EPHA6: variants seen among roughly 807,000 people sequenced by gnomAD.
The protein encoded by EPHA6 is EPH receptor A6.
A neutral mutation model predicts 112.0 loss-of-function variants in EPHA6; 50 were observed. The observed-to-expected ratio is 0.45, with a 90% CI of 0.36 to 0.56. The LOEUF is 0.56. EPHA6 is among the 20% of genes least tolerant of loss of function. The pLI, the probability that EPHA6 is intolerant of heterozygous loss-of-function variation, is 0.00. For missense variants in EPHA6, 1,280 were observed against 1,417.4 expected, an observed-to-expected ratio of 0.90 and a Z score of 1.56; for synonymous variants, 529 against 490.7, an observed-to-expected ratio of 1.08 and a Z score of -1.03.
chr3:97,400,443 G>GT (rs1016636150), intron 5 of EPHA6, among the ~76,000 whole-genome samples: 2 of 151,406 alleles, frequency 1.3e-5, no homozygotes, highest in Non-Finnish European at 3.0e-5. Flanking sequence ...TCAGCGATTT[G>GT]TTTTTTCTAT....
chr3:97,510,615 G>A lies in EPHA6; in HGVS notation c.2201-21743G>A, dbSNP rs139826878. ...CCAGTGGAGCTCTGTTATATGGGGT[G>A]TCTGTTGACACCTCCTGGGAGGTGT... On this transcript the variant is annotated intron_variant, in intron 10 of 17. Transcript: ENST00000389672. Among the ~76,000 whole-genome samples the A allele has an allele frequency of 6.5e-3, 995 of 152,278 alleles. 12 individuals are homozygous for A. Among genetic ancestry groups the A allele is most frequent in the African/African-American group, 0.022 (916 of 41,570 alleles).
intron 15 of EPHA6, among the ~76,000 whole-genome samples, chr3:97,734,411 C>A (rs567540468): frequency 6.6e-6 from 1 of 152,092 alleles, no homozygotes; most frequent in East Asian, 1.9e-4. Context: ...AAACCCAAGC[C>A]TAGTTGCTAG....
At chr3:97,445,874 T>C (rs955824000) in intron 6 of EPHA6, among the ~76,000 whole-genome samples, 4 of 152,132 alleles carry the variant, frequency 2.6e-5, no homozygotes, top group Non-Finnish European at 5.9e-5. Context: ...ACGTGTTCCC[T>C]AGCTAAGTTG....
chr3:97,522,353 T>C (rs1397978374), intron 10 of EPHA6, among the ~76,000 whole-genome samples: 2 of 152,232 alleles, frequency 1.3e-5, no homozygotes, highest in African/African-American at 2.4e-5. Context: ...GTCACATTTA[T>C]TGGTTTTGGT....
chr3:97,701,248 A>C (rs896577170), intron 14 of EPHA6, among the ~76,000 whole-genome samples: 10 of 152,154 alleles, frequency 6.6e-5, no homozygotes, highest in African/African-American at 2.4e-4. Flanking sequence ...GAGCTAATAG[A>C]CAAAAGGATA....
intron 6 of EPHA6, among the ~76,000 whole-genome samples, chr3:97,418,481 CA>C (rs1248778660): frequency 2.6e-5 from 4 of 151,838 alleles, no homozygotes; most frequent in Non-Finnish European, 4.4e-5. Context: ...AAATCACTGA[CA>C]AAAAAACATG....
intron 3 of EPHA6, among the ~76,000 whole-genome samples, chr3:97,095,464 A>C (rs2108243524): frequency 6.6e-6 from 1 of 152,078 alleles, no homozygotes; most frequent in South Asian, 2.1e-4. Flanking sequence ...AAAAAAAAGC[A>C]TCCTGCTTTC....
intron 10 of EPHA6, among the ~76,000 whole-genome samples, chr3:97,517,982 T>A (rs1481074658): frequency 6.6e-6 from 1 of 152,184 alleles, no homozygotes; most frequent in Non-Finnish European, 1.5e-5. Context: ...GTTTTATTGA[T>A]CCATTCATCC....
At chr3:96,938,839 A>G (rs2040761065) in intron 2 of EPHA6, among the ~76,000 whole-genome samples, 1 of 152,192 alleles carries the variant, frequency 6.6e-6, no homozygotes, top group Non-Finnish European at 1.5e-5. Context: ...ATTTTGTCAA[A>G]GACCTTTTCT....
chr3:97,163,645 G>A (rs547223965), intron 3 of EPHA6, among the ~76,000 whole-genome samples: 8 of 152,246 alleles, frequency 5.3e-5, no homozygotes, highest in African/African-American at 1.9e-4. Context: ...TTGCAAGGCA[G>A]CTATCCCATA....
At chr3:97,532,188 T>A (rs1055898351) in intron 10 of EPHA6, among the ~76,000 whole-genome samples, 170 bp from the exon 11 acceptor site, 1 of 152,070 alleles carries the variant, frequency 6.6e-6, no homozygotes, top group African/African-American at 2.4e-5. Context: ...GTGTTGCTGA[T>A]CAAGTATATT....
intron 5 of EPHA6, among the ~76,000 whole-genome samples, chr3:97,340,724 CCTT>C (rs2083264144): frequency 7.9e-5 from 12 of 152,162 alleles, no homozygotes; most frequent in Admixed American, 7.9e-4. Context: ...TAGACAGTCA[CCTT>C]CTTATTGTGT....
intron 1 of EPHA6, among the ~76,000 whole-genome samples, chr3:96,837,696 T>C (rs2034498947): frequency 6.6e-6 from 1 of 152,114 alleles, no homozygotes; most frequent in African/African-American, 2.4e-5. Context: ...TGGTGTATTA[T>C]GACAACTTTA....
chr3:97,479,412 C>T (rs2091468029), intron 9 of EPHA6, 48 bp downstream of exon 9: 2 of 1,288,088 alleles, frequency 1.6e-6, no homozygotes, highest in Non-Finnish European at 1.1e-6. Context: ...TGTTCCAGCA[C>T]TTCAGGAGTT....
Position 96,940,724 on chromosome 3 carries a change from T to C in EPHA6, c.451-46606T>C, listed in dbSNP as rs188052798. Among the ~76,000 whole-genome samples the C allele has an allele frequency of 2.9e-3, 447 of 152,256 alleles. 4 individuals carry two copies. The highest frequency in any genetic ancestry group is 9.8e-3 in the African/African-American group (409 of 41,558). On this transcript the variant is annotated intron_variant, in intron 2 of 17. Coordinates refer to ENST00000389672, the MANE Select transcript of EPHA6 (RefSeq NM_001080448.3). ...GTCTTTACAATTTGGCATGTTTTTG[T>C]AGTGGCTGGTACCGGTTGTTCCTTT... is the stretch of plus-strand genomic sequence containing the variant.
At chr3:97,463,343 T>C (rs530012768) in intron 7 of EPHA6, among the ~76,000 whole-genome samples, 1 of 152,260 alleles carries the variant, frequency 6.6e-6, no homozygotes, top group African/African-American at 2.4e-5. Flanking sequence ...AACAGAGGAA[T>C]AGTGATTTTT....
chr3:97,370,681 A>G (rs2108978307), intron 5 of EPHA6, among the ~76,000 whole-genome samples: 1 of 152,322 alleles, frequency 6.6e-6, no homozygotes, highest in East Asian at 1.9e-4. Context: ...CTTTAACATG[A>G]CATGCCCAAT....
chr3:96,939,989 G>C (rs1021722688), intron 2 of EPHA6, among the ~76,000 whole-genome samples: 103 of 151,852 alleles, frequency 6.8e-4, no homozygotes, highest in Non-Finnish European at 1.2e-3. Context: ...AATTTGTGTT[G>C]TTTTACATTT....
intron 2 of EPHA6, among the ~76,000 whole-genome samples, chr3:96,915,703 G>T (rs1266763642): frequency 6.6e-6 from 1 of 152,056 alleles, no homozygotes; most frequent in African/African-American, 2.4e-5. Context: ...TCTCACAAGA[G>T]GTTGATAATC....
Sources: allele counts gnomAD v4.1 joint callset (sites outside exome capture counted in the v4.1 genomes callset), GRCh38; gene constraint gnomAD v4.1.1; transcripts MANE v1.5; gene names NCBI Gene and HGNC (gene_info 2026-07-23, HGNC 2026-07-21).